The following EFNA2 variants were observed in gnomAD, a reference collection of about 807,000 sequenced individuals.
EFNA2 encodes the protein ephrin-A2.
In EFNA2, 18 loss-of-function variants were observed where a neutral mutation model predicts 19.7. The observed-to-expected ratio is 0.91, with a 90% CI of 0.63 to 1.35. The LOEUF is 1.35. EFNA2 is among the 40% of genes most tolerant of loss of function. The probability of loss-of-function intolerance (pLI) is 0.00; values close to 1 mark genes in which losing one functional copy is unlikely to be tolerated. For synonymous variants in EFNA2, 187 were observed against 137.8 expected, an observed-to-expected ratio of 1.36 and a Z score of -2.50; for missense variants, 303 against 296.0, an observed-to-expected ratio of 1.02 and a Z score of -0.17.
At chr19:1,290,147 G>A (rs1456435505) in intron 1 of EFNA2, among the ~76,000 whole-genome samples, 2 of 152,000 alleles carry the variant, frequency 1.3e-5, no homozygotes, top group South Asian at 2.1e-4. Context: ...CGGCTCGGCC[G>A]ATAGGGCCTG....
At chr19:1,299,672 G>A in intron 3 of EFNA2, 152 bp from the exon 4 acceptor site, 1 of 990,622 alleles carries the variant, frequency 1.0e-6, no homozygotes, top group East Asian at 3.1e-5. Flanking sequence ...CCCGGAGAGT[G>A]GGCATCGGGG....
chr19:1,300,008 C>G lies in EFNA2; in HGVS notation c.*63C>G. Reference sequence around the variant, plus strand: ...CCCGCCTGGACCGCCTGACCTCGGCCCTCCGGACCCGGCTGCGGCCCCCGC... The same window carrying G: ...CCCGCCTGGACCGCCTGACCTCGGCGCTCCGGACCCGGCTGCGGCCCCCGC... On this transcript the variant is annotated 3_prime_UTR_variant, in exon 4 of 4. Coordinates refer to ENST00000215368, the MANE Select transcript of EFNA2 (RefSeq NM_001405.4). 4 of 1,518,224 alleles carry G rather than the reference C, an allele frequency of 2.6e-6. No individual in the cohort carries two copies. Among genetic ancestry groups the G allele is most frequent in the South Asian group, 1.2e-5 (1 of 81,716 alleles). The allele number at this position is 1,518,224 out of a possible 1,614,324, so 94.0% of individuals were successfully genotyped here.
rs562206406 is a variant in EFNA2, at chr19:1,287,886, G to A, written c.140+1578G>A. 1.1e-4 allele frequency among the ~76,000 whole-genome samples: 17 copies of A among 152,374 alleles called. No individual in the cohort carries two copies. In the East Asian group the frequency reaches 2.1e-3, roughly 19 times the overall value. ...CCAAACACACGAGGACCCGGCAACC[G>A]GGGGAGGAAGGTGGTCACCAGGGCC... On this transcript the variant is annotated intron_variant, in intron 1 of 3. Transcript: ENST00000215368. This position sits in a 1 kb window ranked among gnomAD's most constrained non-coding sequence, Gnocchi z 6.2.
rs889688653 is a variant in EFNA2, at chr19:1,294,085, T to C, written c.141-1460T>C. Among the ~76,000 whole-genome samples the C allele has an allele frequency of 6.6e-6, 1 of 152,244 alleles. No homozygotes were observed. On this transcript the variant is annotated intron_variant, in intron 1 of 3. Transcript: ENST00000215368. This position sits in a 1 kb window ranked among gnomAD's most constrained non-coding sequence, Gnocchi z 5.8. ...CCGGGATCGTAGCAGCCTGCACCCA[T>C]GTGCTGCCAACACTGGTGGGGCCTC...
At chr19:1,288,790 C>T (rs1276105152) in intron 1 of EFNA2, among the ~76,000 whole-genome samples, 1 of 151,902 alleles carries the variant, frequency 6.6e-6, no homozygotes, top group Non-Finnish European at 1.5e-5. Context: ...GTTGGGTGGT[C>T]TGGCTGGCCG....
chr19:1,289,524 C>T (rs540421751), intron 1 of EFNA2, among the ~76,000 whole-genome samples: 91 of 152,298 alleles, frequency 6.0e-4, no homozygotes, highest in African/African-American at 2.1e-3. Context: ...CGTGTGCAGA[C>T]GGCCATCAAG....
At chr19:1,298,207 C>G (rs77665847) in intron 2 of EFNA2, among the ~76,000 whole-genome samples, 2 of 151,698 alleles carry the variant, frequency 1.3e-5, no homozygotes, top group East Asian at 2.0e-4. Context: ...AATCATTTCA[C>G]TATTAATATA....
In EFNA2 at chr19:1,300,974, G is replaced by A. The variant is rs998981582; in HGVS notation, c.*1029G>A. On this transcript the variant is annotated 3_prime_UTR_variant, in exon 4 of 4. Coordinates refer to ENST00000215368, the MANE Select transcript of EFNA2 (RefSeq NM_001405.4). ...CATAGGGGGTCTTTTATTTTGGTGG[G>A]GGGGTGGGGTGGACTTTTAGAGTAG... Among the ~76,000 whole-genome samples, 3 of 151,730 alleles carry A rather than the reference G, an allele frequency of 2.0e-5. No individual in the cohort carries two copies. The highest frequency in any genetic ancestry group is 7.3e-5 in the African/African-American group (3 of 41,256).
Position 1,300,105 on chromosome 19 carries a change from C to T in EFNA2, c.*160C>T, listed in dbSNP as rs1053537997. Reference sequence around the variant, plus strand: ...CCCCGCCGGGCAGGGGCCATCCACCCGCCCCAGGACCAGCCCTCAGGGAGG... The same window carrying T: ...CCCCGCCGGGCAGGGGCCATCCACCTGCCCCAGGACCAGCCCTCAGGGAGG... On this transcript the variant is annotated 3_prime_UTR_variant, in exon 4 of 4. Coordinates refer to ENST00000215368, the MANE Select transcript of EFNA2 (RefSeq NM_001405.4). 11 of 1,050,368 alleles carry T rather than the reference C, an allele frequency of 1.0e-5. No individual in the cohort carries two copies. The highest frequency in any genetic ancestry group is 8.3e-5 in the African/African-American group (5 of 60,164). 65.1% of individuals were successfully genotyped at this position (1,050,368 alleles called of 1,614,324 possible). A position where few individuals can be genotyped will look rare whatever the true frequency, so the allele number is the denominator to read the frequency against.
rs2081504986 is a variant in EFNA2, at chr19:1,294,460, G to A, written c.141-1085G>A. 6.6e-6 allele frequency among the ~76,000 whole-genome samples: 1 copy of A among 152,196 alleles called. No individual in the cohort carries two copies. Among genetic ancestry groups the A allele is most frequent in the African/African-American group, 2.4e-5 (1 of 41,448 alleles). ...GGCAAAGGCCTGGAGGCAGGGCTGGGGGCTGAGGTGTCAGGAGTGCAGGCA... is the reference window on the plus strand; with the variant it reads ...GGCAAAGGCCTGGAGGCAGGGCTGGAGGCTGAGGTGTCAGGAGTGCAGGCA... On this transcript the variant is annotated intron_variant, in intron 1 of 3. Coordinates refer to ENST00000215368, the MANE Select transcript of EFNA2 (RefSeq NM_001405.4). The surrounding 1 kb of genome is among the most constrained non-coding windows in gnomAD (Gnocchi z 5.8).
Position 1,300,241 on chromosome 19 carries a change from ATTTTTTTTTTTTTTTTT to A in EFNA2, c.*315_*331del, listed in dbSNP as rs58281257. ...CGGAGAACCCGGGAACCTCTTGGCG[ATTTTTTTTTTTTTTTTT>A]TTTTTTTTTTTTTTTTTTAGTGTAT... On this transcript the variant is annotated 3_prime_UTR_variant, in exon 4 of 4. Coordinates refer to ENST00000215368, the MANE Select transcript of EFNA2 (RefSeq NM_001405.4). The A allele has an allele frequency of 4.2e-4, 18 of 42,694 alleles. No individual in the cohort carries two copies. Among genetic ancestry groups the A allele is most frequent in the Non-Finnish European group, 5.0e-4 (11 of 22,156 alleles). The allele number at this position is 42,694 out of a possible 1,614,324, so 2.6% of individuals were successfully genotyped here.
rs1019842429 is a variant in EFNA2 at position 1,294,392 on chromosome 19, CCCTGGAGGAAGGGG to C, written c.141-1148_141-1135del. Among the ~76,000 whole-genome samples, 1 of 152,134 alleles carries C rather than the reference CCCTGGAGGAAGGGG, an allele frequency of 6.6e-6. No homozygotes were observed. Among genetic ancestry groups the C allele is most frequent in the Non-Finnish European group, 1.5e-5 (1 of 68,022 alleles). ...ACAGACGAGGCTGGGTCAGGGGGCT[CCCTGGAGGAAGGGG>C]CCTGTGGGTTGCGTCTGGGGGACCT... On this transcript the variant is annotated intron_variant, in intron 1 of 3. Transcript: ENST00000215368. The surrounding 1 kb of genome is among the most constrained non-coding windows in gnomAD (Gnocchi z 5.8).
intron 1 of EFNA2, among the ~76,000 whole-genome samples, chr19:1,292,308 G>A (rs545976116): frequency 2.6e-5 from 4 of 152,344 alleles, no homozygotes; most frequent in South Asian, 4.1e-4. Flanking sequence ...AGGCAGAGCC[G>A]GGGGTGGGGG....
chr19:1,299,495 G>A (rs1195402087), intron 3 of EFNA2, among the ~76,000 whole-genome samples: 5 of 151,800 alleles, frequency 3.3e-5, no homozygotes, highest in Non-Finnish European at 5.9e-5. Context: ...GGCGGAGGTT[G>A]CAGTGAGCCC....
At chr19:1,285,491 C>G (rs2081458848), upstream of EFNA2, among the ~76,000 whole-genome samples, 2 of 152,324 alleles carry the variant, frequency 1.3e-5, no homozygotes, top group African/African-American at 4.8e-5. The surrounding 1 kb of genome is among the most constrained non-coding windows in gnomAD (Gnocchi z 4.1). Context: ...GAAACTCTGC[C>G]CCGGCCCCCG....
At chr19:1,285,543 C>G (rs1435929070), upstream of EFNA2, among the ~76,000 whole-genome samples, 5 of 152,110 alleles carry the variant, frequency 3.3e-5, no homozygotes, top group African/African-American at 1.2e-4. The surrounding 1 kb of genome is among the most constrained non-coding windows in gnomAD (Gnocchi z 4.1). Context: ...GGGACGCGTG[C>G]GTCGGGGTTG....
At chr19:1,284,618 A>C (rs1475852816), upstream of EFNA2, among the ~76,000 whole-genome samples, 1 of 152,228 alleles carries the variant, frequency 6.6e-6, no homozygotes, top group Non-Finnish European at 1.5e-5. This position sits in a 1 kb window ranked among gnomAD's most constrained non-coding sequence, Gnocchi z 5.3. Context: ...CGCAGGAGAC[A>C]CAGGACAGAG....
At position 1,297,236 on chromosome 19, in the gene EFNA2, G is replaced by C. The variant is rs2081519999; in HGVS notation, c.455-1315G>C. Among the ~76,000 whole-genome samples, 1 of 152,160 alleles carries C rather than the reference G, an allele frequency of 6.6e-6. No individual in the cohort carries two copies. Among genetic ancestry groups the C allele is most frequent in the Non-Finnish European group, 1.5e-5 (1 of 68,028 alleles). On this transcript the variant is annotated intron_variant, in intron 2 of 3. Transcript: ENST00000215368. The surrounding 1 kb of genome is among the most constrained non-coding windows in gnomAD (Gnocchi z 5.0). ...GCCAGTGCCTGGACACCCAGCTCCT[G>C]CTGTGTGAAATTAAACTTTACAAGG...
In EFNA2 at chr19:1,300,786, G is replaced by C. The variant is rs1300035262; in HGVS notation, c.*841G>C. ...CCGTGTCTTAGAAACTGCTTTGGCC[G>C]ATGCAAACAGCCCCCTACCCGTCCC... On this transcript the variant is annotated 3_prime_UTR_variant, in exon 4 of 4. Transcript: ENST00000215368. 6.6e-6 allele frequency among the ~76,000 whole-genome samples: 1 copy of C among 152,098 alleles called. No homozygotes were observed. Among genetic ancestry groups the C allele is most frequent in the Non-Finnish European group, 1.5e-5 (1 of 68,022 alleles).
Sources: allele counts gnomAD v4.1 joint callset (sites outside exome capture counted in the v4.1 genomes callset), GRCh38; gene constraint gnomAD v4.1.1; non-coding constraint Gnocchi (gnomAD v3.1); transcripts MANE v1.5; gene names NCBI Gene and HGNC (gene_info 2026-07-23, HGNC 2026-07-21).